Variants in PROM2 observed in about 807,000 individuals in gnomAD.
PROM2 encodes prominin-2.
A neutral mutation model predicts 110.2 loss-of-function variants in PROM2; 90 were observed. The ratio of observed to expected loss-of-function variants is 0.82; its 90% CI spans 0.69 to 0.97. PROM2 has a LOEUF of 0.97. Ranked by LOEUF, PROM2 falls within the 50% of genes least tolerant of loss-of-function variation. The probability of loss-of-function intolerance (pLI) is 0.00; values close to 1 mark genes in which losing one functional copy is unlikely to be tolerated. For missense variants in PROM2, 1,009 were observed against 1,074.8 expected, an observed-to-expected ratio of 0.94 and a Z score of 0.86; for synonymous variants, 470 against 467.8, an observed-to-expected ratio of 1.00 and a Z score of -0.06.
At chr2:95,286,631 A>G (rs2104142569) in intron 17 of PROM2, 60 bp downstream of exon 17, 2 of 1,470,270 alleles carry the variant, frequency 1.4e-6, no homozygotes, top group East Asian at 2.3e-5. Context: ...GAGAGGGGAC[A>G]GTGAAAGGGG....
chr2:95,288,576 C>T lies in PROM2; in HGVS notation c.2428C>T (p.Arg810Trp), dbSNP rs368765858. The T allele has an allele frequency of 3.2e-5, 52 of 1,613,834 alleles. No homozygotes were observed. Among genetic ancestry groups the T allele is most frequent in the Non-Finnish European group, 3.7e-5 (44 of 1,179,884 alleles). The change falls in exon 22 of 24, where the codon CGG (arginine) becomes TGG (tryptophan). Residue 810 changes from arginine (R) to tryptophan (W), a missense_variant. Coordinates refer to ENST00000317620, the MANE Select transcript of PROM2 (RefSeq NM_001165978.3). ...GACCTCCAAATACTTCCGTCCTATC[C>T]GGAAACGCCTCAGGTGAGGGGCTGC... ...VKTSKYFRPI[R>W]KRLSSTSSEE...
At position 95,284,954 on chromosome 2, in the gene PROM2, C is replaced by T. The variant is rs755261157; in HGVS notation, c.1729-15C>T. The T allele has an allele frequency of 1.8e-5, 29 of 1,606,494 alleles. 1 individual carries two copies. Among genetic ancestry groups the T allele is most frequent in the South Asian group, 1.6e-4 (14 of 89,398 alleles). On this transcript the variant is annotated splice_polypyrimidine_tract_variant and intron_variant, in intron 14 of 23. Coordinates refer to ENST00000317620, the MANE Select transcript of PROM2 (RefSeq NM_001165978.3). ...GCAACTGGGCATGACTCCCACCCTG[C>T]GCCTGCTCTCCCAGTATACCAACAA...
Position 95,287,415 on chromosome 2 carries a change from C to A in PROM2, c.2195C>A (p.Ala732Asp), listed in dbSNP as rs770578741. Residue 732 changes from alanine (A) to aspartate (D), a missense_variant, in exon 20 of 24, where the codon GCC becomes GAC. By Grantham distance (126) the Ala-to-Asp change is moderately radical. Coordinates refer to ENST00000317620, the MANE Select transcript of PROM2 (RefSeq NM_001165978.3). Reference protein sequence around the residue: ...ILRNVSECFLAREMGYFSQYV... With the variant: ...ILRNVSECFLDREMGYFSQYV... Reference sequence around the variant, plus strand: ...CTGCAGGTGAGTGAGTGTTTCCTGGCCCGGGAGATGGGCTACTTCTCCCAG... The same window carrying A: ...CTGCAGGTGAGTGAGTGTTTCCTGGACCGGGAGATGGGCTACTTCTCCCAG... 1 of 1,613,958 alleles carries A rather than the reference C, an allele frequency of 6.2e-7. No individual in the cohort carries two copies. The highest frequency in any genetic ancestry group is 1.3e-5 in the African/African-American group (1 of 74,902).
intron 20 of PROM2, 83 bp downstream of exon 20, chr2:95,287,547 C>CAA: frequency 6.9e-7 from 1 of 1,457,288 alleles, no homozygotes; most frequent in Non-Finnish European, 9.5e-7. Flanking sequence ...CCCCCGCCCC[C>CAA]GGAGCCCCTT....
intron 14 of PROM2, among the ~76,000 whole-genome samples, chr2:95,283,490 A>G (rs1018454272): frequency 1.3e-5 from 2 of 152,122 alleles, no homozygotes; most frequent in Admixed American, 6.5e-5. Flanking sequence ...CCACCTTTCC[A>G]CTTCTCCTGA....
Position 95,281,917 on chromosome 2 carries a change from A to G in PROM2, c.1552-8A>G. The stretch of plus-strand genomic sequence containing the variant: ...CTCTGTGCCCATTTCTCACTGCCCC[A>G]TCCCCAGTTTGCAGACACCCCAGGG... On this transcript the variant is annotated splice_polypyrimidine_tract_variant and splice_region_variant and intron_variant, in intron 12 of 23. Coordinates refer to ENST00000317620, the MANE Select transcript of PROM2 (RefSeq NM_001165978.3). The G allele has an allele frequency of 6.2e-7, 1 of 1,611,992 alleles. No homozygotes were observed.
At chr2:95,286,387 C>T in intron 16 of PROM2, 92 bp from the exon 17 acceptor site, 1 of 1,130,488 alleles carries the variant, frequency 8.8e-7, no homozygotes, top group Non-Finnish European at 1.3e-6. Context: ...GAGCCCAGCA[C>T]TCCCACTTTC....
chr2:95,280,115 G>T (rs770613911), intron 11 of PROM2, 118 bp downstream of exon 11: 2 of 1,063,822 alleles, frequency 1.9e-6, no homozygotes, highest in Non-Finnish European at 2.4e-6. Context: ...CTGAATAAAG[G>T]GGTTGAACCA....
intron 22 of PROM2, 29 bp from the exon 23 acceptor site, chr2:95,288,904 A>G (rs367740599): frequency 4.4e-6 from 7 of 1,605,730 alleles, no homozygotes; most frequent in Middle Eastern, 1.7e-4. Flanking sequence ...GGGGAAGGGT[A>G]TGCTCACTCT....
intron 9 of PROM2, 41 bp downstream of exon 9, chr2:95,278,825 T>C (rs1445404966): frequency 6.2e-7 from 1 of 1,613,052 alleles, no homozygotes; most frequent in South Asian, 1.1e-5. Context: ...AGGCATGGCT[T>C]CCCACCCCAC....
rs775772961 is a variant in PROM2, at chr2:95,274,556, T to C, written c.-30T>C. On this transcript the variant is annotated 5_prime_UTR_variant, in exon 1 of 24. Transcript: ENST00000317620. ...TGCCCTGGGCTTGTCTGTTCCCTCC[T>C]GAGCCTGAGCCCCTTACCTTCCTGA... 1.9e-6 allele frequency: 3 copies of C among 1,541,070 alleles called. No homozygotes were observed. Among genetic ancestry groups the C allele is most frequent in the Non-Finnish European group, 2.6e-6 (3 of 1,141,600 alleles).
chr2:95,274,728 G>A lies in PROM2; in HGVS notation c.143G>A (p.Arg48Gln), dbSNP rs760200490. The A allele has an allele frequency of 1.6e-5, 25 of 1,612,058 alleles. No individual in the cohort carries two copies. In the South Asian group the frequency reaches 1.9e-4, roughly 12 times the overall value. Residue 48 changes from arginine to glutamine, a missense_variant, in exon 1 of 24, where the codon CGG becomes CAG. Transcript: ENST00000317620. ...HLTFTPAARA[R>Q]WLAPRVRAPG... ...ACATTCACCCCAGCAGCCAGGGCCC[G>A]GTGGCTGGCCCCTCGAGTTCGTGCG... is the stretch of plus-strand genomic sequence containing the variant.
intron 23 of PROM2, 60 bp downstream of exon 23, chr2:95,289,066 GA>G: frequency 1.1e-5 from 11 of 1,042,456 alleles, no homozygotes; most frequent in African/African-American, 3.1e-5. Context: ...GTGGGGTGGG[GA>G]GGGGCTGGGG....
chr2:95,288,581 A>G lies in PROM2; in HGVS notation c.2433A>G (p.Lys811=). The change falls in exon 22 of 24, where the codon AAA becomes AAG. Residue 811 remains lysine (K), a synonymous_variant. Coordinates refer to ENST00000317620, the MANE Select transcript of PROM2 (RefSeq NM_001165978.3). ...KTSKYFRPIR[K]RLSSTSSEET... ...CCAAATACTTCCGTCCTATCCGGAA[A>G]CGCCTCAGGTGAGGGGCTGCCAGGG... is the stretch of plus-strand genomic sequence containing the variant. The G allele has an allele frequency of 6.2e-7, 1 of 1,613,856 alleles. No individual in the cohort carries two copies. The highest frequency in any genetic ancestry group is 8.5e-7 in the Non-Finnish European group (1 of 1,179,798).
At chr2:95,281,429 A>C in intron 12 of PROM2, 64 bp downstream of exon 12, 1 of 393,728 alleles carries the variant, frequency 2.5e-6, no homozygotes, top group Non-Finnish European at 3.8e-6. Flanking sequence ...TCAGCAGAGC[A>C]GGAGGGTTGG....
chr2:95,277,946 A>T lies in PROM2; in HGVS notation c.992A>T (p.His331Leu). 1 of 1,612,484 alleles carries T rather than the reference A, an allele frequency of 6.2e-7. No homozygotes were observed. Among genetic ancestry groups the T allele is most frequent in the South Asian group, 1.1e-5 (1 of 90,418 alleles). ...CCATTTCAGGTGCCCTCTGTGGACC[A>T]TGTCCTGCACCAGCTAAAAGGTGTC... ...ADFSQVPSVD[H>L]VLHQLKGVPE... Residue 331 changes from histidine to leucine, a missense_variant, in exon 8 of 24, where the codon CAT becomes CTT. Coordinates refer to ENST00000317620, the MANE Select transcript of PROM2 (RefSeq NM_001165978.3).
chr2:95,280,402 C>T (rs896526170), intron 11 of PROM2, among the ~76,000 whole-genome samples: 1 of 152,332 alleles, frequency 6.6e-6, no homozygotes, highest in Non-Finnish European at 1.5e-5. Context: ...CTGAAATCCA[C>T]CCCATGTTTT....
intron 9 of PROM2, 32 bp downstream of exon 9, chr2:95,278,816 G>A (rs1251895517): frequency 2.5e-6 from 4 of 1,613,838 alleles, no homozygotes; most frequent in Non-Finnish European, 3.4e-6. Context: ...GCAGCTGCCA[G>A]GCATGGCTTC....
At position 95,274,742 on chromosome 2, in the gene PROM2, C is replaced by T. The variant is rs1276201019; in HGVS notation, c.157C>T (p.Arg53Ter). The change falls in exon 1 of 24, where the codon CGA becomes TGA. Residue 53 changes from arginine (R) to a stop codon, truncating the protein, a stop_gained. Coordinates refer to ENST00000317620, the MANE Select transcript of PROM2 (RefSeq NM_001165978.3). LOFTEE classifies it high-confidence loss of function. ...AGCCAGGGCCCGGTGGCTGGCCCCTCGAGTTCGTGCGCCAGGACTCCTGGA... is the reference window on the plus strand; with the variant it reads ...AGCCAGGGCCCGGTGGCTGGCCCCTTGAGTTCGTGCGCCAGGACTCCTGGA... Reference protein sequence around the residue: ...PAARARWLAPRVRAPGLLDSL... With the variant: ...PAARARWLAP The T allele has an allele frequency of 2.5e-6, 4 of 1,611,814 alleles. No individual in the cohort carries two copies. The highest frequency in any genetic ancestry group is 1.7e-5 in the Admixed American group (1 of 59,950).
Sources: gnomAD v4.1 joint callset for allele counts (sites outside exome capture counted in the v4.1 genomes callset) on GRCh38, gnomAD v4.1.1 for gene constraint, MANE v1.5 for transcripts, NCBI Gene and HGNC (gene_info 2026-07-23, HGNC 2026-07-21) for gene names.